FAM151B: variants seen among roughly 807,000 people sequenced by gnomAD.
FAM151B encodes the protein family with sequence similarity 151 member B, also known as protein FAM151B.
A neutral mutation model predicts 31.2 loss-of-function variants in FAM151B; 24 were observed. The observed-to-expected ratio is 0.77, with a 90% CI of 0.56 to 1.08. The LOEUF (loss-of-function observed/expected upper bound fraction) is 1.08. FAM151B is among the 50% of genes least tolerant of loss of function. The pLI, the probability that FAM151B is intolerant of heterozygous loss-of-function variation, is 0.00. For missense variants in FAM151B, 293 were observed against 328.6 expected, an observed-to-expected ratio of 0.89 and a Z score of 0.84; for synonymous variants, 105 against 111.4, an observed-to-expected ratio of 0.94 and a Z score of 0.36.
intron 5 of FAM151B, 195 bp downstream of exon 5, chr5:80,522,333 C>T (rs563663222): frequency 2.1e-5 from 10 of 476,884 alleles, no homozygotes; most frequent in African/African-American, 1.2e-4. Flanking sequence ...TACTTAACAT[C>T]GTATATTTTA....
intron 5 of FAM151B, among the ~76,000 whole-genome samples, chr5:80,540,744 G>A (rs1745841532): frequency 1.3e-5 from 2 of 152,302 alleles, no homozygotes; most frequent in Middle Eastern, 3.4e-3. Flanking sequence ...TCCCTTAGCT[G>A]TAGTTTAAAA....
At chr5:80,495,171 A>T (rs1357267147) in intron 1 of FAM151B, 1 of 152,214 alleles carries the variant, frequency 6.6e-6, no homozygotes, top group Non-Finnish European at 1.5e-5. Flanking sequence ...TCAAGATATT[A>T]CTGTTGATTG....
intron 1 of FAM151B, among the ~76,000 whole-genome samples, chr5:80,489,312 G>A (rs1484313906): frequency 6.6e-6 from 1 of 152,102 alleles, no homozygotes; most frequent in East Asian, 1.9e-4. Flanking sequence ...TGAAATTACT[G>A]GATCAAAGGA....
chr5:80,522,160 G>A, intron 5 of FAM151B, 22 bp downstream of exon 5: 2 of 1,597,114 alleles, frequency 1.3e-6, no homozygotes, highest in Non-Finnish European at 8.6e-7. Context: ...TTTAACAAAT[G>A]TGTATGTGAG....
intron 3 of FAM151B, among the ~76,000 whole-genome samples, chr5:80,514,478 A>G (rs1278634372): frequency 3.7e-5 from 1 of 27,146 alleles, no homozygotes; most frequent in South Asian, 7.4e-4. Context: ...TCCCTCTCAA[A>G]TAATAATAAT....
At chr5:80,509,255 A>G (rs1485944792) in intron 2 of FAM151B, among the ~76,000 whole-genome samples, 1 of 152,036 alleles carries the variant, frequency 6.6e-6, no homozygotes, top group Non-Finnish European at 1.5e-5. Flanking sequence ...CTGGGATTAC[A>G]GGAGTAAGCC....
At chr5:80,515,286 T>C (rs925254334) in intron 3 of FAM151B, among the ~76,000 whole-genome samples, 1 of 152,098 alleles carries the variant, frequency 6.6e-6, no homozygotes, top group African/African-American at 2.4e-5. Flanking sequence ...ATAAACTTTT[T>C]GAGTTATCAA....
intron 1 of FAM151B, among the ~76,000 whole-genome samples, chr5:80,494,476 C>CTTTCTTTCTTTATTTA (rs1561359250): frequency 2.4e-5 from 3 of 126,558 alleles, no homozygotes; most frequent in African/African-American, 9.2e-5. Context: ...TTCTTTCTTT[C>CTTTCTTTCTTTATTTA]TTTCTTTCTT....
intron 1 of FAM151B, among the ~76,000 whole-genome samples, chr5:80,493,977 A>C (rs1434469305): frequency 6.6e-6 from 1 of 152,166 alleles, no homozygotes; most frequent in Non-Finnish European, 1.5e-5. Context: ...GGTCCTACCA[A>C]TATGTGATGT....
intron 3 of FAM151B, chr5:80,519,078 C>T (rs965257435): frequency 3.9e-5 from 6 of 152,092 alleles, no homozygotes; most frequent in East Asian, 3.9e-4. Flanking sequence ...CTAAAATATA[C>T]GTATTTCTAA....
At position 80,541,985 on chromosome 5, in the gene FAM151B, G is replaced by A. The variant is rs1745921147; in HGVS notation, c.*153G>A. Reference sequence around the variant, plus strand: ...TTGTATGCTTACTCTGTGGGCATATGTCCTTATAATAGTGCACTTACATAA... The same window carrying A: ...TTGTATGCTTACTCTGTGGGCATATATCCTTATAATAGTGCACTTACATAA... On this transcript the variant is annotated 3_prime_UTR_variant, in exon 6 of 6. Transcript: ENST00000282226. 1.3e-6 allele frequency: 1 copy of A among 767,322 alleles called. No individual in the cohort carries two copies. Among genetic ancestry groups the A allele is most frequent in the Non-Finnish European group, 2.1e-6 (1 of 486,652 alleles). 47.5% of individuals were successfully genotyped at this position (767,322 alleles called of 1,614,324 possible).
chr5:80,536,315 C>T (rs1487443316), intron 5 of FAM151B, among the ~76,000 whole-genome samples: 2 of 151,772 alleles, frequency 1.3e-5, no homozygotes, highest in Non-Finnish European at 2.9e-5. Context: ...GGATCACAGG[C>T]GCCCGCCACC....
intron 3 of FAM151B, 40 bp downstream of exon 3, chr5:80,513,809 A>T: frequency 6.4e-7 from 1 of 1,562,220 alleles, no homozygotes; most frequent in Non-Finnish European, 8.7e-7. Context: ...GGAAAAAAGT[A>T]ATAGCTGTGC....
In FAM151B at chr5:80,521,570, A is replaced by G. The variant is rs193065634; in HGVS notation, c.536-433A>G. Reference sequence around the variant, plus strand: ...ATTTGATGTTAACTATCACTTAAACAGCTAGCATATACCCCAAAGCAACCT... The same window carrying G: ...ATTTGATGTTAACTATCACTTAAACGGCTAGCATATACCCCAAAGCAACCT... On this transcript the variant is annotated intron_variant, in intron 4 of 5. Transcript: ENST00000282226. Among the ~76,000 whole-genome samples, 15 of 152,368 alleles carry G rather than the reference A, an allele frequency of 9.8e-5. No individual in the cohort carries two copies. In the East Asian group the frequency reaches 2.9e-3, roughly 29 times the overall value.
At chr5:80,536,295 C>T (rs747933055) in intron 5 of FAM151B, among the ~76,000 whole-genome samples, 5 of 152,028 alleles carry the variant, frequency 3.3e-5, no homozygotes, top group Non-Finnish European at 5.9e-5. Context: ...CTCAGCTTCC[C>T]AAGTAGCTGG....
chr5:80,494,591 C>T (rs561831386), intron 1 of FAM151B, among the ~76,000 whole-genome samples: 16 of 151,664 alleles, frequency 1.1e-4, no homozygotes, highest in South Asian at 8.3e-4. Flanking sequence ...TGGCTAATTG[C>T]AGCCTGGACC....
chr5:80,541,843 C>T lies in FAM151B; in HGVS notation c.*11C>T. On this transcript the variant is annotated 3_prime_UTR_variant, in exon 6 of 6. Transcript: ENST00000282226. ...AAAGTTAATCTCTAAGAAGAAGATTCTCAATTATTTCCTGTGTTTTGGTTT... is the reference window on the plus strand; with the variant it reads ...AAAGTTAATCTCTAAGAAGAAGATTTTCAATTATTTCCTGTGTTTTGGTTT... 1 of 1,607,384 alleles carries T rather than the reference C, an allele frequency of 6.2e-7. No individual in the cohort carries two copies. Among genetic ancestry groups the T allele is most frequent in the Non-Finnish European group, 8.5e-7 (1 of 1,177,322 alleles).
intron 5 of FAM151B, among the ~76,000 whole-genome samples, chr5:80,540,952 C>T (rs1015098965): frequency 3.3e-5 from 5 of 152,154 alleles, no homozygotes; most frequent in African/African-American, 1.2e-4. Flanking sequence ...TTCTGACAAG[C>T]TTATGGGGAA....
intron 1 of FAM151B, among the ~76,000 whole-genome samples, chr5:80,490,019 T>TAAACACACACACAC (rs1554055218): frequency 6.2e-5 from 9 of 144,596 alleles, no homozygotes; most frequent in African/African-American, 2.3e-4. Context: ...TTTTCCCCCT[T>TAAACACACACACAC]ACACACACAC....
Sources: allele counts gnomAD v4.1 joint callset (sites outside exome capture counted in the v4.1 genomes callset), GRCh38; gene constraint gnomAD v4.1.1; transcripts MANE v1.5; gene names NCBI Gene and HGNC (gene_info 2026-07-23, HGNC 2026-07-21).